The following ADGRB1 variants were observed in gnomAD, a reference collection of about 807,000 sequenced individuals.
ADGRB1 encodes adhesion G protein-coupled receptor B1.
A neutral mutation model predicts 175.7 loss-of-function variants in ADGRB1; 36 were observed. The ratio of observed to expected loss-of-function variants is 0.20; its 90% CI spans 0.16 to 0.27. The LOEUF (loss-of-function observed/expected upper bound fraction) is 0.27, where lower values mean the gene tolerates loss of function less well. ADGRB1 is among the 10% of genes least tolerant of loss of function. The pLI, the probability that ADGRB1 is intolerant of heterozygous loss-of-function variation, is 1.00. For missense variants in ADGRB1, 1,731 were observed against 2,255.3 expected (o/e 0.77, Z 4.71); for synonymous variants, 1,054 against 979.4 (o/e 1.08, Z -1.42).
chr8:142,497,201 G>C (rs936993087), intron 17 of ADGRB1, among the ~76,000 whole-genome samples: 1 of 152,208 alleles, frequency 6.6e-6, no homozygotes, highest in Non-Finnish European at 1.5e-5. Flanking sequence ...TGGCCTGTGC[G>C]GGCCTCCAGC....
intron 20 of ADGRB1, 28 bp downstream of exon 20, chr8:142,520,953 C>G (rs182863505): frequency 6.3e-7 from 1 of 1,584,590 alleles, no homozygotes; most frequent in Admixed American, 1.7e-5. Flanking sequence ...CTGCCATGCA[C>G]TTCCCAACAT....
At position 142,489,399 on chromosome 8, in the gene ADGRB1, G is replaced by A. The variant is rs1368761472; in HGVS notation, c.2592G>A (p.Leu864=). 1.2e-6 allele frequency: 2 copies of A among 1,612,986 alleles called. No individual in the cohort carries two copies. Among genetic ancestry groups the A allele is most frequent in the African/African-American group, 1.3e-5 (1 of 75,032 alleles). ...CTGTGAAACCCCCGCCTCGCTCCCTGCGCACACCCTTGGAGATCGAGTTTG... is the reference window on the plus strand; with the variant it reads ...CTGTGAAACCCCCGCCTCGCTCCCTACGCACACCCTTGGAGATCGAGTTTG... ...SVTVKPPPRS[L]RTPLEIEFAH... Residue 864 remains leucine, a synonymous_variant, in exon 16 of 31, where the codon CTG becomes CTA. Coordinates refer to ENST00000517894, the MANE Select transcript of ADGRB1 (RefSeq NM_001702.3).
chr8:142,503,486 G>A (rs1563720404), intron 17 of ADGRB1, among the ~76,000 whole-genome samples: 1 of 152,114 alleles, frequency 6.6e-6, no homozygotes, highest in African/African-American at 2.4e-5. Flanking sequence ...AGGGTGTGAG[G>A]TCTGGGCAGT....
At position 142,522,553 on chromosome 8, in the gene ADGRB1, C is replaced by T. The variant is rs148025075; in HGVS notation, c.3176-88C>T. 7.5e-6 allele frequency: 10 copies of T among 1,339,486 alleles called. No homozygotes were observed. In the East Asian group the frequency reaches 2.6e-4, roughly 34 times the overall value. 83.0% of individuals were successfully genotyped at this position (1,339,486 alleles called of 1,614,324 possible). A position where few individuals can be genotyped will look rare whatever the true frequency, so the allele number is the denominator to read the frequency against. On this transcript the variant is annotated intron_variant, in intron 21 of 30. Transcript: ENST00000517894. ...GGGGCTTCAGAAGCGCCTGCCTGGCCCCCGCCCTTCACGGCAGGGCTAGGA... is the reference window on the plus strand; with the variant it reads ...GGGGCTTCAGAAGCGCCTGCCTGGCTCCCGCCCTTCACGGCAGGGCTAGGA...
chr8:142,484,668 G>T lies in ADGRB1; in HGVS notation c.2212G>T (p.Ala738Ser). 2 of 1,610,196 alleles carry T rather than the reference G, an allele frequency of 1.2e-6. No individual in the cohort carries two copies. Among genetic ancestry groups the T allele is most frequent in the Non-Finnish European group, 1.7e-6 (2 of 1,178,732 alleles). The change falls in exon 13 of 31, where the codon GCC becomes TCC. Residue 738 changes from alanine (A) to serine (S), a missense_variant. Around this residue, in one of 8 missense-constraint regions of ADGRB1, gnomAD observed 388 missense variants for 630.9 expected, o/e 0.61. Transcript: ENST00000517894. ...WEEAQLAGPN[A>S]KELFRLVEDF... ...CCCTGCCCTCCAGGCGGGCCCCAAC[G>T]CCAAGGAGCTGTTCCGGCTGGTGGA...
Position 142,464,229 on chromosome 8 carries a change from G to A in ADGRB1, c.31G>A (p.Val11Ile), listed in dbSNP as rs1840119629. The change falls in exon 2 of 31, where the codon GTC (valine) becomes ATC (isoleucine). Residue 11 changes from valine to isoleucine, a missense_variant. By Grantham distance (29) the Val-to-Ile change is conservative. Transcript: ENST00000517894. ...GGGCCAGGCCGCCGCCCCGGGCCCCGTCTGGATCCTCGCCCCGCTGCTACT... is the reference window on the plus strand; with the variant it reads ...GGGCCAGGCCGCCGCCCCGGGCCCCATCTGGATCCTCGCCCCGCTGCTACT... MRGQAAAPGPVWILAPLLLLL... is the reference protein window; with the variant it reads MRGQAAAPGPIWILAPLLLLL... 3 of 1,327,174 alleles carry A rather than the reference G, an allele frequency of 2.3e-6. No homozygotes were observed. Among genetic ancestry groups the A allele is most frequent in the East Asian group, 3.1e-5 (1 of 31,880 alleles). The allele number at this position is 1,327,174 out of a possible 1,614,324, so 82.2% of individuals were successfully genotyped here.
intron 1 of ADGRB1, among the ~76,000 whole-genome samples, chr8:142,453,292 C>G (rs1839472160): frequency 6.6e-6 from 1 of 152,238 alleles, no homozygotes; most frequent in African/African-American, 2.4e-5. Context: ...GGGTCTCGCG[C>G]CGGTGTGGCC....
chr8:142,489,309 C>T (rs369383154), intron 15 of ADGRB1, 27 bp from the exon 16 acceptor site: 6 of 1,611,032 alleles, frequency 3.7e-6, no homozygotes, highest in Admixed American at 1.7e-5. Flanking sequence ...AGGGCTCCCC[C>T]GACACCTGTG....
intron 18 of ADGRB1, among the ~76,000 whole-genome samples, chr8:142,513,951 T>C (rs1587384128): frequency 1.3e-5 from 2 of 150,940 alleles, no homozygotes; most frequent in Non-Finnish European, 3.0e-5. Flanking sequence ...AATGGACTGG[T>C]GGGAGGCTGG....
In ADGRB1 at chr8:142,511,623, C is replaced by G. The variant is rs1487952559; in HGVS notation, c.2817+550C>G. On this transcript the variant is annotated intron_variant, in intron 18 of 30. Coordinates refer to ENST00000517894, the MANE Select transcript of ADGRB1 (RefSeq NM_001702.3). The surrounding 1 kb of genome is among the most constrained non-coding windows in gnomAD (Gnocchi z 4.5). ...CCAGGCCTCAGCACCTCGGGGCTTC[C>G]TTTTTGTTCCTGTGATTCCTGTGGG... Among the ~76,000 whole-genome samples the G allele has an allele frequency of 6.6e-6, 1 of 152,120 alleles. No homozygotes were observed. Among genetic ancestry groups the G allele is most frequent in the African/African-American group, 2.4e-5 (1 of 41,428 alleles).
intron 27 of ADGRB1, 42 bp downstream of exon 27, chr8:142,539,455 C>T (rs771295155): frequency 6.3e-7 from 1 of 1,590,496 alleles, no homozygotes; most frequent in South Asian, 1.1e-5. Flanking sequence ...AGCCCGGCCC[C>T]CTGCATGGCC....
intron 19 of ADGRB1, among the ~76,000 whole-genome samples, chr8:142,518,809 C>A (rs1307240923): frequency 6.6e-6 from 1 of 152,234 alleles, no homozygotes; most frequent in East Asian, 1.9e-4. Context: ...TGCTCCTGTC[C>A]CATTGAGTAG....
intron 1 of ADGRB1, among the ~76,000 whole-genome samples, chr8:142,460,076 TG>T (rs367579648): frequency 6.6e-6 from 1 of 152,190 alleles, no homozygotes; most frequent in Non-Finnish European, 1.5e-5. Flanking sequence ...GGGCCTGGCG[TG>T]GGGGGGACAG....
intron 15 of ADGRB1, 111 bp downstream of exon 15, chr8:142,489,221 A>G: frequency 1.9e-6 from 3 of 1,544,390 alleles, no homozygotes; most frequent in East Asian, 2.3e-5. Context: ...AGTGTGGATG[A>G]TGGGCTGTGG....
Position 142,511,174 on chromosome 8 carries a change from C to A in ADGRB1, c.2817+101C>A, listed in dbSNP as rs955400835. The stretch of plus-strand genomic sequence containing the variant: ...GGGGAGGGCCCGCACCCGTCCTGTC[C>A]CGGAGGGGTCGCTGTGGCCCGCAGC... On this transcript the variant is annotated intron_variant, in intron 18 of 30. Coordinates refer to ENST00000517894, the MANE Select transcript of ADGRB1 (RefSeq NM_001702.3). The surrounding 1 kb of genome is among the most constrained non-coding windows in gnomAD (Gnocchi z 4.5). 10 of 934,822 alleles carry A rather than the reference C, an allele frequency of 1.1e-5. No homozygotes were observed. In the African/African-American group the frequency reaches 1.8e-4, roughly 17 times the overall value. The allele number at this position is 934,822 out of a possible 1,614,324, so 57.9% of individuals were successfully genotyped here.
chr8:142,462,796 T>C (rs1256124296), intron 1 of ADGRB1, among the ~76,000 whole-genome samples: 1 of 152,214 alleles, frequency 6.6e-6, no homozygotes, highest in Non-Finnish European at 1.5e-5. Flanking sequence ...CTGGGTGGGA[T>C]GGACGGCCTG....
chr8:142,461,194 G>A (rs1839951868), intron 1 of ADGRB1, among the ~76,000 whole-genome samples: 1 of 152,200 alleles, frequency 6.6e-6, no homozygotes, highest in South Asian at 2.1e-4. Flanking sequence ...GCAGGCCTGA[G>A]CTGCATTCCA....
In ADGRB1 at chr8:142,477,473, G is replaced by C. The variant is rs1408945154; in HGVS notation, c.1311G>C (p.Arg437Ser). The part of the protein sequence containing the change: ...RGFRDRTRTC[R>S]PPQFGGNPCE... ...TTCGGGATCGCACGCGCACCTGCAG[G>C]CCCCCCCAGTTTGGGGGCAACCCCT... The change falls in exon 6 of 31, where the codon AGG becomes AGC. Residue 437 changes from arginine (R) to serine (S), a missense_variant. By Grantham distance (110) the Arg-to-Ser change is moderately radical. This residue lies in a region of ADGRB1 where 388 missense variants were observed against 630.9 expected (regional missense o/e 0.61). Coordinates refer to ENST00000517894, the MANE Select transcript of ADGRB1 (RefSeq NM_001702.3). The C allele has an allele frequency of 3.1e-6, 5 of 1,612,856 alleles. No homozygotes were observed. The highest frequency in any genetic ancestry group is 4.2e-6 in the Non-Finnish European group (5 of 1,179,814).
chr8:142,518,831 A>G (rs1843598951), intron 19 of ADGRB1, among the ~76,000 whole-genome samples: 3 of 152,250 alleles, frequency 2.0e-5, no homozygotes, highest in Admixed American at 1.3e-4. Flanking sequence ...AGTGTGGAGC[A>G]GGGAGCAAGG....
Sources: gnomAD v4.1 joint callset for allele counts (sites outside exome capture counted in the v4.1 genomes callset) on GRCh38, gnomAD v4.1.1 for gene constraint, gnomAD v4.1.1 regional missense constraint, Gnocchi (gnomAD v3.1) non-coding constraint, MANE v1.5 for transcripts, NCBI Gene and HGNC (gene_info 2026-07-23, HGNC 2026-07-21) for gene names.